Variants in PCSK9 observed in about 807,000 individuals in gnomAD.
The protein encoded by PCSK9 is convertase subtilisin/kexin type 9 preproprotein.
In PCSK9, 57 loss-of-function variants were observed where a neutral mutation model predicts 62.1. That is an observed-to-expected ratio of 0.92 (90% confidence interval 0.74 to 1.14). The LOEUF is 1.14. Ranked by LOEUF, PCSK9 falls within the 50% of genes most tolerant of loss-of-function variation. The pLI is 0.00. For synonymous variants in PCSK9, 387 were observed against 409.4 expected (o/e 0.95, Z 0.66); for missense variants, 870 against 959.8 (o/e 0.91, Z 1.24).
chr1:55,051,189 C>T (rs945252379), intron 3 of PCSK9: 3 of 456,298 alleles, frequency 6.6e-6, no homozygotes, highest in South Asian at 1.5e-5. Context: ...CTCTACTCTG[C>T]AGCATATTTG....
At position 55,058,603 on chromosome 1, in the gene PCSK9, T is replaced by G; in HGVS notation, c.1459T>G (p.Ser487Ala). The change falls in exon 9 of 12, where the codon TCC (serine) becomes GCC (alanine). Residue 487 changes from serine to alanine, a missense_variant. Physicochemically the swap from Ser to Ala is moderately conservative, Grantham distance 99. Transcript: ENST00000302118. ...CAPDEELLSC[S>A]SFSRSGKRRG... is the part of the protein sequence containing the mutation. ...CCCAGATGAGGAGCTGCTGAGCTGC[T>G]CCAGTTTCTCCAGGAGTGGGAAGCG... 1.2e-6 allele frequency: 2 copies of G among 1,611,768 alleles called. No individual in the cohort carries two copies. Among genetic ancestry groups the G allele is most frequent in the Non-Finnish European group, 1.7e-6 (2 of 1,179,982 alleles).
At chr1:55,059,746 A>G in intron 10 of PCSK9, 83 bp downstream of exon 10, 1 of 1,482,642 alleles carries the variant, frequency 6.7e-7, no homozygotes, top group Non-Finnish European at 9.1e-7. Flanking sequence ...GGTCCTCACA[A>G]GTGTGATCCA....
intron 5 of PCSK9, among the ~76,000 whole-genome samples, chr1:55,053,683 C>T (rs1408227369): frequency 1.3e-5 from 2 of 152,216 alleles, no homozygotes; most frequent in Non-Finnish European, 2.9e-5. Flanking sequence ...CCAGTTCTGC[C>T]CTGAGACTTT....
chr1:55,055,968 G>C, intron 5 of PCSK9, 25 bp from the exon 6 acceptor site: 1 of 1,590,956 alleles, frequency 6.3e-7, no homozygotes, highest in Non-Finnish European at 8.6e-7. Flanking sequence ...TCCCCAAGGG[G>C]TGACCTTGGC....
Position 55,063,384 on chromosome 1 carries a change from G to A in PCSK9, c.1879G>A (p.Glu627Lys), listed in dbSNP as rs774385716. 1.4e-5 allele frequency: 23 copies of A among 1,613,760 alleles called. No individual in the cohort carries two copies. The Admixed American group carries it at 3.5e-4, about 25-fold the overall frequency. ...GCTCTGGCAGGTGACCGTGGCCTGC[G>A]AGGAGGGCTGGACCCTGACTGGCTG... ...APQEQVTVAC[E>K]EGWTLTGCSA... The change falls in exon 12 of 12, where the codon GAG (glutamate) becomes AAG (lysine). Residue 627 changes from glutamate to lysine, a missense_variant. Glu to Lys is a moderately conservative substitution (Grantham distance 56). Coordinates refer to ENST00000302118, the MANE Select transcript of PCSK9 (RefSeq NM_174936.4).
chr1:55,043,744 T>C, intron 1 of PCSK9, 99 bp from the exon 2 acceptor site: 2 of 1,381,792 alleles, frequency 1.4e-6, no homozygotes, highest in Non-Finnish European at 2.0e-6. Flanking sequence ...CTCTGTTGTG[T>C]CTCTTTTGTT....
rs1644779242 is a variant in PCSK9, at chr1:55,063,561, C to T, written c.2056C>T (p.Gln686Ter). 6.2e-7 allele frequency: 1 copy of T among 1,612,194 alleles called. No homozygotes were observed. Among genetic ancestry groups the T allele is most frequent in the Admixed American group, 1.7e-5 (1 of 59,958 alleles). ...CTGCTGCCGGAGCCGGCACCTGGCG[C>T]AGGCCTCCCAGGAGCTCCAGTGACA... ...AICCRSRHLAQASQELQ is the reference protein window; with the variant it reads ...AICCRSRHLA Residue 686 changes from glutamine to a stop codon, truncating the protein, a stop_gained, in exon 12 of 12, where the codon CAG (glutamine) becomes TAG (stop). Coordinates refer to ENST00000302118, the MANE Select transcript of PCSK9 (RefSeq NM_174936.4). LOFTEE classifies it high-confidence loss of function.
rs1225610504 is a variant in PCSK9, at chr1:55,064,648, CCAA to C, written c.*1069_*1071del. The C allele has an allele frequency of 1.3e-5, 2 of 152,136 alleles. No homozygotes were observed. The highest frequency in any genetic ancestry group is 2.4e-5 in the African/African-American group (1 of 41,410). 9.4% of individuals were successfully genotyped at this position (152,136 alleles called of 1,614,324 possible). A position where few individuals can be genotyped will look rare whatever the true frequency, so the allele number is the denominator to read the frequency against. ...TCTAAGGCATGGTCGGGGGAGAGGG[CCAA>C]CAACTGTCCCTCCTTGAGCACCAGC... On this transcript the variant is annotated 3_prime_UTR_variant, in exon 12 of 12. Transcript: ENST00000302118.
In PCSK9 at chr1:55,058,509, G is replaced by A; in HGVS notation, c.1365G>A (p.Leu455=). 4.3e-6 allele frequency: 7 copies of A among 1,612,216 alleles called. No homozygotes were observed. Among genetic ancestry groups the A allele is most frequent in the South Asian group, 1.1e-5 (1 of 91,000 alleles). The change falls in exon 9 of 12, where the codon CTG becomes CTA. Residue 455 remains leucine (L), a synonymous_variant. Transcript: ENST00000302118. ...AGGCCCTTTTTGCAGGTTGGCAGCT[G>A]TTTTGCAGGACTGTATGGTCAGCAC... ...PPSTHGAGWQ[L]FCRTVWSAHS... is the part of the protein sequence containing the mutation.
At chr1:55,057,068 C>CCTGT (rs33957760) in intron 6 of PCSK9, among the ~76,000 whole-genome samples, 28,158 of 151,964 alleles carry the variant, frequency 0.19, 3,786 homozygotes, top group African/African-American at 0.38. Flanking sequence ...CGAATAGTTT[C>CCTGT]CTATCTCCCC....
In PCSK9 at chr1:55,039,847, G is replaced by A. The variant is rs186669805; in HGVS notation, c.10G>A (p.Val4Ile). 296 of 1,565,614 alleles carry A rather than the reference G, an allele frequency of 1.9e-4. 3 individuals are homozygous for A. The East Asian group carries it at 6.8e-3, about 36-fold the overall frequency. MGT[V>I]SSRRSWWPLP... Reference sequence around the variant, plus strand: ...CTCTCCCCTGGCCCTCATGGGCACCGTCAGCTCCAGGCGGTCCTGGTGGCC... The same window carrying A: ...CTCTCCCCTGGCCCTCATGGGCACCATCAGCTCCAGGCGGTCCTGGTGGCC... The change falls in exon 1 of 12, where the codon GTC becomes ATC. Residue 4 changes from valine to isoleucine, a missense_variant. By Grantham distance (29) the Val-to-Ile change is conservative. Transcript: ENST00000302118.
intron 7 of PCSK9, 100 bp from the exon 8 acceptor site, chr1:55,057,936 G>T: frequency 6.7e-7 from 1 of 1,498,750 alleles, no homozygotes; most frequent in Non-Finnish European, 9.3e-7. Flanking sequence ...GTGCACGTGT[G>T]TTTGTGTGTA....
intron 3 of PCSK9, 139 bp from the exon 4 acceptor site, chr1:55,052,139 T>C (rs1644678440): frequency 1.7e-6 from 2 of 1,204,016 alleles, no homozygotes; most frequent in Non-Finnish European, 2.4e-6. Flanking sequence ...TGTGTGAGGA[T>C]TTTTTGGAGG....
chr1:55,059,641 C>G lies in PCSK9; in HGVS notation c.1659C>G (p.His553Gln). 1 of 1,551,206 alleles carries G rather than the reference C, an allele frequency of 6.4e-7. No homozygotes were observed. Among genetic ancestry groups the G allele is most frequent in the Non-Finnish European group, 8.7e-7 (1 of 1,147,178 alleles). ...GCATGGGGACCCGTGTCCACTGCCA[C>G]CAACAGGGCCACGTCCTCACAGGTA... is the stretch of plus-strand genomic sequence containing the variant. Reference protein sequence around the residue: ...EASMGTRVHCHQQGHVLTGCS... With the variant: ...EASMGTRVHCQQQGHVLTGCS... The change falls in exon 10 of 12, where the codon CAC (histidine) becomes CAG (glutamine). Residue 553 changes from histidine to glutamine, a missense_variant. Coordinates refer to ENST00000302118, the MANE Select transcript of PCSK9 (RefSeq NM_174936.4).
At chr1:55,046,742 G>A (rs1046231717) in intron 3 of PCSK9, 96 bp downstream of exon 3, 54 of 1,457,844 alleles carry the variant, frequency 3.7e-5, no homozygotes, top group South Asian at 1.2e-4. Flanking sequence ...TCCACTTCTC[G>A]GGGGGCTTTG....
At chr1:55,057,148 C>G (rs932950249) in intron 6 of PCSK9, among the ~76,000 whole-genome samples, 183 bp from the exon 7 acceptor site, 1 of 152,202 alleles carries the variant, frequency 6.6e-6, no homozygotes, top group Non-Finnish European at 1.5e-5. Flanking sequence ...AGGGGAGCAC[C>G]AGGGCGGGGC....
In PCSK9 at chr1:55,039,782, A is replaced by T. The variant is rs898116356; in HGVS notation, c.-56A>T. 2.5e-5 allele frequency: 39 copies of T among 1,557,686 alleles called. 1 individual carries two copies. The highest frequency in any genetic ancestry group is 1.1e-4 in the Admixed American group (6 of 52,654). ...AAGGCTCAAGGCGCCGCCGGCGTGG[A>T]CCGCGCACGGCCTCTAGGTCTCCTC... is the stretch of plus-strand genomic sequence containing the variant. On this transcript the variant is annotated 5_prime_UTR_variant, in exon 1 of 12. Transcript: ENST00000302118.
intron 5 of PCSK9, among the ~76,000 whole-genome samples, chr1:55,055,108 A>T (rs1290884657): frequency 6.6e-6 from 1 of 152,046 alleles, no homozygotes; most frequent in African/African-American, 2.4e-5. Flanking sequence ...GCCAGAAGGA[A>T]CCACACCCTC....
intron 5 of PCSK9, among the ~76,000 whole-genome samples, chr1:55,053,247 GA>G (rs1242187867): frequency 6.6e-6 from 1 of 152,064 alleles, no homozygotes; most frequent in South Asian, 2.1e-4. Context: ...TGTGGTGGAG[GA>G]ACTGGCAGAG....
Sources: gnomAD v4.1 joint callset for allele counts (sites outside exome capture counted in the v4.1 genomes callset) on GRCh38, gnomAD v4.1.1 for gene constraint, MANE v1.5 for transcripts, NCBI Gene and HGNC (gene_info 2026-07-23, HGNC 2026-07-21) for gene names.